NARF: variants seen among roughly 807,000 people sequenced by gnomAD.
NARF encodes the protein iron-only hydrogenase-like protein 2.
In NARF, 41 loss-of-function variants were observed where a neutral mutation model predicts 48.0. The ratio of observed to expected loss-of-function variants is 0.85; its 90% confidence interval spans 0.66 to 1.11. The LOEUF is 1.11. Ranked by LOEUF, NARF falls within the 50% of genes least tolerant of loss-of-function variation. The pLI is 0.00. For synonymous variants in NARF, 215 were observed against 225.5 expected (o/e 0.95, Z 0.42); for missense variants, 613 against 590.2 (o/e 1.04, Z -0.40).
intron 5 of NARF, chr17:82,478,546 T>G (rs1318533544): frequency 7.0e-6 from 4 of 574,396 alleles, no homozygotes; most frequent in Non-Finnish European, 1.3e-5. Context: ...TTACTCCGAC[T>G]CTTACTTGTC....
intron 6 of NARF, chr17:82,480,289 G>GCACACA (rs3068087): frequency 8.7e-4 from 329 of 377,346 alleles, no homozygotes; most frequent in African/African-American, 2.7e-3. Flanking sequence ...GCCAGCGCGC[G>GCACACA]CACACACACA....
chr17:82,476,038 C>T (rs1001005400), intron 5 of NARF, among the ~76,000 whole-genome samples: 3 of 152,216 alleles, frequency 2.0e-5, no homozygotes, highest in South Asian at 2.1e-4. Flanking sequence ...GACAGAGTCT[C>T]GCTCTGTCAC....
intron 6 of NARF, among the ~76,000 whole-genome samples, chr17:82,479,502 A>G (rs1193747235): frequency 6.6e-6 from 1 of 151,388 alleles, no homozygotes; most frequent in Non-Finnish European, 1.5e-5. Context: ...CCTTCCCACA[A>G]CCCTCTGCGG....
At chr17:82,467,985 A>T (rs1311401065) in intron 3 of NARF, among the ~76,000 whole-genome samples, 1 of 152,176 alleles carries the variant, frequency 6.6e-6, no homozygotes, top group Admixed American at 6.5e-5. Flanking sequence ...GAAATTGACA[A>T]AGTCTTTTAG....
chr17:82,483,626 C>T lies in NARF; in HGVS notation c.770-90C>T. On this transcript the variant is annotated intron_variant, in intron 7 of 10. Transcript: ENST00000309794. ...GAGATTTCATAAGAGGGAGGTCACC[C>T]AGGGTCACTAATGTCAAATCTCCTG... 3.2e-6 allele frequency: 4 copies of T among 1,235,508 alleles called. No individual in the cohort carries two copies. The African/African-American group carries it at 4.4e-5, about 14-fold the overall frequency. The allele number at this position is 1,235,508 out of a possible 1,614,324, so 76.5% of individuals were successfully genotyped here. A position where few individuals can be genotyped will look rare whatever the true frequency, so the allele number is the denominator to read the frequency against.
intron 5 of NARF, among the ~76,000 whole-genome samples, chr17:82,474,941 C>G (rs1279696413): frequency 6.6e-6 from 1 of 152,090 alleles, no homozygotes; most frequent in African/African-American, 2.4e-5. Flanking sequence ...TATCAGAGGT[C>G]GAAGTATAAG....
chr17:82,488,380 CTTTTTTTTTTTTT>C lies in NARF; in HGVS notation c.*224_*236del, dbSNP rs1279240480. The C allele has an allele frequency of 2.4e-6, 1 of 418,048 alleles. No individual in the cohort carries two copies. Among genetic ancestry groups the C allele is most frequent in the Non-Finnish European group, 3.9e-6 (1 of 253,194 alleles). 25.9% of individuals were successfully genotyped at this position (418,048 alleles called of 1,614,324 possible). ...GGTGTGGGATTGGAACTTTTTTTTT[CTTTTTTTTTTTTT>C]GAGACGGAGTCTCACTCTGTCACCC... On this transcript the variant is annotated 3_prime_UTR_variant, in exon 11 of 11. Coordinates refer to ENST00000309794, the MANE Select transcript of NARF (RefSeq NM_012336.4).
chr17:82,480,601 GC>G, intron 6 of NARF: 1 of 410,982 alleles, frequency 2.4e-6, no homozygotes, highest in Non-Finnish European at 4.3e-6. Context: ...CATCTGTGGG[GC>G]CCGGCCTCAG....
chr17:82,459,289 C>G (rs986983408), intron 1 of NARF: 1 of 608,418 alleles, frequency 1.6e-6, no homozygotes, highest in Non-Finnish European at 2.1e-6. Flanking sequence ...TGGCAACAAC[C>G]GCGCAGCGCA....
At chr17:82,461,554 T>C in intron 2 of NARF, among the ~76,000 whole-genome samples, 1 of 152,022 alleles carries the variant, frequency 6.6e-6, no homozygotes, top group Non-Finnish European at 1.5e-5. Context: ...GAGGTTGAGG[T>C]GAGCCGAGAT....
intron 5 of NARF, among the ~76,000 whole-genome samples, chr17:82,474,322 G>T (rs1473390341): frequency 2.6e-5 from 4 of 152,172 alleles, no homozygotes; most frequent in African/African-American, 9.7e-5. Flanking sequence ...TTGATATTCA[G>T]ATACTCTCAG....
intron 2 of NARF, chr17:82,463,982 C>T: frequency 3.5e-6 from 1 of 283,606 alleles, no homozygotes; most frequent in South Asian, 7.0e-5. Flanking sequence ...GTGGGGTGAG[C>T]TTCCAGAACA....
intron 3 of NARF, among the ~76,000 whole-genome samples, chr17:82,468,168 G>A (rs2043614908): frequency 6.6e-6 from 1 of 152,080 alleles, no homozygotes; most frequent in African/African-American, 2.4e-5. Flanking sequence ...AAAATTAGCT[G>A]GGTGTAGTGG....
Position 82,472,588 on chromosome 17 carries a change from C to T in NARF, c.410C>T (p.Thr137Met), listed in dbSNP as rs374939214. 4.1e-5 allele frequency: 66 copies of T among 1,613,132 alleles called. No individual in the cohort carries two copies. The highest frequency in any genetic ancestry group is 6.7e-5 in the African/African-American group (5 of 74,794). Reference sequence around the variant, plus strand: ...GGGGTGCACTATGTATTTGATACGACGATAGCTGCGGATTTTAGTATCCTG... The same window carrying T: ...GGGGTGCACTATGTATTTGATACGATGATAGCTGCGGATTTTAGTATCCTG... The part of the protein sequence containing the change: ...SLGVHYVFDT[T>M]IAADFSILES... Residue 137 changes from threonine (T) to methionine (M), a missense_variant, in exon 5 of 11, where the codon ACG becomes ATG. Thr to Met is a moderately conservative substitution (Grantham distance 81, BLOSUM62 -1). Coordinates refer to ENST00000309794, the MANE Select transcript of NARF (RefSeq NM_012336.4).
upstream of NARF, chr17:82,458,676 C>T (rs781648413): frequency 6.7e-4 from 855 of 1,270,678 alleles, 1 homozygote; most frequent in Non-Finnish European, 8.1e-4. Flanking sequence ...TGGCCGAGCG[C>T]GGCCGTTGGG....
chr17:82,487,788 C>CCAAGG, intron 10 of NARF, 128 bp from the exon 11 acceptor site: 2 of 759,778 alleles, frequency 2.6e-6, no homozygotes, highest in East Asian at 3.4e-5. Flanking sequence ...CCCTCCCGCC[C>CCAAGG]AATCTCTACA....
chr17:82,489,796 G>C lies in NARF; in HGVS notation c.*1639G>C, dbSNP rs1188437019. 7.9e-5 allele frequency: 12 copies of C among 152,166 alleles called. No homozygotes were observed. Among genetic ancestry groups the C allele is most frequent in the African/African-American group, 2.7e-4 (11 of 41,434 alleles). 9.4% of individuals were successfully genotyped at this position (152,166 alleles called of 1,614,324 possible). ...AAGGTGGGAGGATTGCTGGAGTCCA[G>C]GAGTTTCTACATGGGAGACTCTGTC... On this transcript the variant is annotated 3_prime_UTR_variant, in exon 11 of 11. Coordinates refer to ENST00000309794, the MANE Select transcript of NARF (RefSeq NM_012336.4).
At chr17:82,469,052 A>G (rs973274119) in intron 4 of NARF, among the ~76,000 whole-genome samples, 156 bp downstream of exon 4, 54 of 152,124 alleles carry the variant, frequency 3.5e-4, no homozygotes, top group African/African-American at 1.2e-3. Context: ...GTGTCATGAA[A>G]CCCAGCCTCT....
At chr17:82,473,499 C>T (rs1337410417) in intron 5 of NARF, among the ~76,000 whole-genome samples, 1 of 152,082 alleles carries the variant, frequency 6.6e-6, no homozygotes, top group East Asian at 1.9e-4. Flanking sequence ...CAGGCGCCTG[C>T]CACCACACCC....
Sources: gnomAD v4.1 joint callset for allele counts (sites outside exome capture counted in the v4.1 genomes callset) on GRCh38, gnomAD v4.1.1 for gene constraint, MANE v1.5 for transcripts, NCBI Gene and HGNC (gene_info 2026-07-23, HGNC 2026-07-21) for gene names.